NEGR1: variants seen among roughly 807,000 people sequenced by gnomAD.
NEGR1 encodes IgLON family member 4.
A neutral mutation model predicts 40.9 loss-of-function variants in NEGR1; 10 were observed. The observed-to-expected ratio is 0.24, with a 90% CI of 0.15 to 0.42. NEGR1 has a LOEUF of 0.42. NEGR1 is among the 10% of genes least tolerant of loss of function. NEGR1 has a pLI of 1.00. For synonymous variants in NEGR1, 185 were observed against 166.8 expected (o/e 1.11, Z -0.84); for missense variants, 352 against 438.9 (o/e 0.80, Z 1.77).
chr1:71,661,433 T>A (rs1194710212), intron 4 of NEGR1, among the ~76,000 whole-genome samples: 1 of 152,234 alleles, frequency 6.6e-6, no homozygotes, highest in Admixed American at 6.5e-5. Context: ...ATGAGTATTC[T>A]ACATGTAGTG....
At chr1:71,505,407 G>A (rs1000961610) in intron 6 of NEGR1, among the ~76,000 whole-genome samples, 5 of 151,836 alleles carry the variant, frequency 3.3e-5, no homozygotes, top group African/African-American at 9.7e-5. Context: ...TCAGCCTCCC[G>A]AGTAGCTGGG....
At chr1:71,869,768 C>G (rs1016704932) in intron 2 of NEGR1, among the ~76,000 whole-genome samples, 1 of 152,016 alleles carries the variant, frequency 6.6e-6, no homozygotes, top group Non-Finnish European at 1.5e-5. Context: ...TTATTTTTCA[C>G]TTTCACTTAA....
intron 4 of NEGR1, among the ~76,000 whole-genome samples, chr1:71,685,326 T>C (rs535561452): frequency 1.3e-5 from 2 of 150,668 alleles, no homozygotes; most frequent in South Asian, 4.2e-4. Context: ...GACATTACTT[T>C]TTTTTTTTTT....
intron 1 of NEGR1, among the ~76,000 whole-genome samples, chr1:72,210,863 G>C (rs928168532): frequency 2.6e-5 from 4 of 151,790 alleles, no homozygotes; most frequent in African/African-American, 9.7e-5. Context: ...GATACAGTTT[G>C]AGATTCCATA....
chr1:71,566,975 C>A (rs1254995238), intron 6 of NEGR1, among the ~76,000 whole-genome samples: 1 of 152,084 alleles, frequency 6.6e-6, no homozygotes. Context: ...ATCTGTTCAC[C>A]TCCCAAAGGG....
At chr1:72,147,537 T>TC (rs1314718212) in intron 1 of NEGR1, among the ~76,000 whole-genome samples, 25 of 152,056 alleles carry the variant, frequency 1.6e-4, no homozygotes, top group Non-Finnish European at 2.9e-5. Context: ...CCATATCATT[T>TC]CACCCCTGGC....
chr1:71,957,939 T>G (rs1646132314), intron 1 of NEGR1, among the ~76,000 whole-genome samples: 1 of 152,238 alleles, frequency 6.6e-6, no homozygotes, highest in Non-Finnish European at 1.5e-5. Context: ...CTCAAATTTT[T>G]ATTATACTGA....
intron 3 of NEGR1, among the ~76,000 whole-genome samples, chr1:71,772,787 A>AAT (rs1191089029): frequency 6.6e-6 from 1 of 152,112 alleles, no homozygotes; most frequent in African/African-American, 2.4e-5. Flanking sequence ...GGTTCAGTGA[A>AAT]ATATATATAT....
chr1:71,738,306 G>A (rs1655103270), intron 3 of NEGR1: 1 of 253,550 alleles, frequency 3.9e-6, no homozygotes. Context: ...CCATGCAGCT[G>A]AAAGAGCAGG....
intron 6 of NEGR1, among the ~76,000 whole-genome samples, chr1:71,431,831 G>C (rs963248732): frequency 6.6e-6 from 1 of 152,128 alleles, no homozygotes; most frequent in Admixed American, 6.6e-5. Flanking sequence ...AGAGACTTTT[G>C]CCTAGAGATT....
intron 1 of NEGR1, among the ~76,000 whole-genome samples, chr1:72,257,321 C>CAAAAA (rs34220734): frequency 0.027 from 1,523 of 56,658 alleles, 126 homozygotes; most frequent in African/African-American, 0.091. Flanking sequence ...GACTCTGTCT[C>CAAAAA]AAAAAAAAAA....
At chr1:71,850,004 C>T (rs1411001013) in intron 2 of NEGR1, among the ~76,000 whole-genome samples, 1 of 152,128 alleles carries the variant, frequency 6.6e-6, no homozygotes, top group African/African-American at 2.4e-5. Flanking sequence ...TGGAAACAAA[C>T]TGGCAATGTC....
intron 3 of NEGR1, among the ~76,000 whole-genome samples, chr1:71,744,106 A>G (rs1299232852): frequency 6.6e-6 from 1 of 152,064 alleles, no homozygotes. Context: ...AATTAAGCTT[A>G]AGCAGATGAC....
chr1:71,428,130 G>A (rs892972131), intron 6 of NEGR1, among the ~76,000 whole-genome samples: 1 of 152,160 alleles, frequency 6.6e-6, no homozygotes, highest in African/African-American at 2.4e-5. Flanking sequence ...CAGAAAGTGA[G>A]GTGAATGGGA....
chr1:72,176,399 C>G (rs537742953), intron 1 of NEGR1, among the ~76,000 whole-genome samples: 3 of 151,998 alleles, frequency 2.0e-5, no homozygotes, highest in Non-Finnish European at 4.4e-5. Context: ...TAAGACTTTG[C>G]CATCAATATA....
At chr1:71,614,790 C>A (rs1650389665) in intron 4 of NEGR1, among the ~76,000 whole-genome samples, 1 of 152,092 alleles carries the variant, frequency 6.6e-6, no homozygotes, top group East Asian at 1.9e-4. Flanking sequence ...GCGTAATGAA[C>A]CGAAATCAAA....
intron 1 of NEGR1, among the ~76,000 whole-genome samples, chr1:72,185,322 T>C (rs1343865976): frequency 6.6e-6 from 1 of 151,952 alleles, no homozygotes; most frequent in Non-Finnish European, 1.5e-5. Context: ...CCCTTTGCTC[T>C]AAAGAACTGT....
chr1:71,720,734 G>C (rs978088842), intron 3 of NEGR1, among the ~76,000 whole-genome samples: 1 of 152,058 alleles, frequency 6.6e-6, no homozygotes, highest in African/African-American at 2.4e-5. Context: ...GCAAAATAAA[G>C]CAAAATCAGG....
intron 1 of NEGR1, among the ~76,000 whole-genome samples, chr1:72,254,517 A>G (rs550736712): frequency 2.0e-5 from 3 of 152,144 alleles, no homozygotes; most frequent in Non-Finnish European, 4.4e-5. Flanking sequence ...CCTGACTAAC[A>G]CGATGAAACC....
Sources: allele counts gnomAD v4.1 joint callset (sites outside exome capture counted in the v4.1 genomes callset), GRCh38; gene constraint gnomAD v4.1.1; transcripts MANE v1.5; gene names NCBI Gene and HGNC (gene_info 2026-07-23, HGNC 2026-07-21).